The following TTC6 variants were observed in gnomAD, a reference collection of about 807,000 sequenced individuals.
TTC6 encodes the protein tetratricopeptide repeat protein 6.
TTC6 carries 172 observed loss-of-function variants against 210.4 expected under a neutral mutation model. That is an observed-to-expected ratio of 0.82 (90% CI 0.72 to 0.93). TTC6 has a LOEUF of 0.93. TTC6 is among the 40% of genes least tolerant of loss of function. TTC6 has a pLI of 0.00. For synonymous variants in TTC6, 804 were observed against 819.6 expected, an observed-to-expected ratio of 0.98 and a Z score of 0.32; for missense variants, 2,414 against 2,318.1, an observed-to-expected ratio of 1.04 and a Z score of -0.85.
intron 14 of TTC6, among the ~76,000 whole-genome samples, chr14:37,781,727 C>T (rs141420771): frequency 2.6e-5 from 4 of 152,196 alleles, no homozygotes; most frequent in African/African-American, 9.6e-5. Context: ...ATGGTAATGC[C>T]TAGGTTTTCT....
At chr14:37,790,955 T>A in intron 16 of TTC6, 118 bp downstream of exon 18, 1 of 801,270 alleles carries the variant, frequency 1.2e-6, no homozygotes, top group Non-Finnish European at 1.9e-6. Flanking sequence ...GAGACACTTA[T>A]AAAGTCATCC....
intron 7 of TTC6, among the ~76,000 whole-genome samples, chr14:37,732,653 C>G (rs1304910989): frequency 6.6e-6 from 1 of 151,356 alleles, no homozygotes; most frequent in Non-Finnish European, 1.5e-5. Flanking sequence ...GAGTCTTGCT[C>G]TGTCGCCCAG....
At chr14:37,823,300 C>A (rs1205702973) in intron 26 of TTC6, among the ~76,000 whole-genome samples, 1 of 152,086 alleles carries the variant, frequency 6.6e-6, no homozygotes, top group Non-Finnish European at 1.5e-5. Flanking sequence ...TAAGGACTCC[C>A]ATGTGATGAA....
At chr14:37,826,327 G>T in exon 28 of TTC6, 1 of 1,606,078 alleles carries the variant, frequency 6.2e-7, no homozygotes, top group Non-Finnish European at 8.5e-7. Flanking sequence ...TGCAATGCAG[G>T]ATATTAATGC....
At chr14:37,636,585 C>A (rs2095681206) in intron 1 of TTC6, among the ~76,000 whole-genome samples, 1 of 151,490 alleles carries the variant, frequency 6.6e-6, no homozygotes, top group African/African-American at 2.4e-5. Flanking sequence ...AAAAAAAAGT[C>A]AAAATTTGTA....
At chr14:37,672,398 A>G (rs1485360498) in intron 1 of TTC6, among the ~76,000 whole-genome samples, 1 of 152,178 alleles carries the variant, frequency 6.6e-6, no homozygotes, top group Non-Finnish European at 1.5e-5. Context: ...ACTGCTTTGC[A>G]TTTTGAAAAA....
chr14:37,812,064 A>G (rs34667573), intron 24 of TTC6, among the ~76,000 whole-genome samples: 2,582 of 152,330 alleles, frequency 0.017, 41 homozygotes, highest in Non-Finnish European at 0.025. Context: ...GAAAATGTAT[A>G]GGGTGACTTG....
At chr14:37,666,857 C>T (rs2095749191) in intron 1 of TTC6, among the ~76,000 whole-genome samples, 1 of 149,876 alleles carries the variant, frequency 6.7e-6, no homozygotes, top group Non-Finnish European at 1.5e-5. Context: ...CTTTGGTGGG[C>T]CTCAAGCACT....
intron 14 of TTC6, among the ~76,000 whole-genome samples, chr14:37,767,166 A>G (rs1328177759): frequency 1.3e-5 from 2 of 152,180 alleles, no homozygotes; most frequent in Non-Finnish European, 2.9e-5. Context: ...TCCATGGTGT[A>G]TATGTGCCAC....
At chr14:37,628,056 C>T (rs1317090901) in intron 1 of TTC6, among the ~76,000 whole-genome samples, 1 of 152,170 alleles carries the variant, frequency 6.6e-6, no homozygotes, top group African/African-American at 2.4e-5. Context: ...CTGCAACCTC[C>T]ACCTCCCAGG....
chr14:37,631,313 C>CA (rs2095669571), intron 1 of TTC6, among the ~76,000 whole-genome samples: 1 of 151,990 alleles, frequency 6.6e-6, no homozygotes, highest in Non-Finnish European at 1.5e-5. Flanking sequence ...CTGGTGGTGA[C>CA]AAAAATCTCT....
At chr14:37,731,132 G>A (rs1455672423) in intron 7 of TTC6, among the ~76,000 whole-genome samples, 1 of 152,106 alleles carries the variant, frequency 6.6e-6, no homozygotes, top group African/African-American at 2.4e-5. Context: ...AGAAGGCGAG[G>A]GTCCTGTGAG....
At chr14:37,752,196 G>C (rs961741549) in intron 13 of TTC6, among the ~76,000 whole-genome samples, 3 of 151,834 alleles carry the variant, frequency 2.0e-5, no homozygotes. Context: ...TTCTAACTCT[G>C]ATCTCCTGAC....
At chr14:37,661,025 T>C (rs933434489) in intron 1 of TTC6, among the ~76,000 whole-genome samples, 3 of 152,244 alleles carry the variant, frequency 2.0e-5, no homozygotes, top group African/African-American at 7.2e-5. Flanking sequence ...CACTTTTTAA[T>C]AGGGTTGTTT....
At chr14:37,625,702 G>A (rs2095659176) in intron 1 of TTC6, among the ~76,000 whole-genome samples, 1 of 152,184 alleles carries the variant, frequency 6.6e-6, no homozygotes, top group Non-Finnish European at 1.5e-5. Context: ...CAAGGAACAT[G>A]ATTCTTCCCT....
chr14:37,706,081 C>T (rs12887601), intron 5 of TTC6, among the ~76,000 whole-genome samples: 8,722 of 152,132 alleles, frequency 0.057, 386 homozygotes, highest in Non-Finnish European at 0.089. Flanking sequence ...GAAGCTAGAG[C>T]TGAGGCAGGA....
chr14:37,650,227 C>T (rs1282335033), intron 1 of TTC6, among the ~76,000 whole-genome samples: 2 of 152,214 alleles, frequency 1.3e-5, no homozygotes, highest in Non-Finnish European at 2.9e-5. Flanking sequence ...GATGTCGATC[C>T]TCTATGCTCT....
intron 1 of TTC6, among the ~76,000 whole-genome samples, chr14:37,624,916 C>T (rs542282185): frequency 2.6e-5 from 4 of 152,068 alleles, no homozygotes; most frequent in African/African-American, 4.8e-5. Context: ...CCACTGCGCC[C>T]GGCCCCACTT....
At chr14:37,715,847 A>G (rs1007614958) in intron 6 of TTC6, among the ~76,000 whole-genome samples, 24 of 152,206 alleles carry the variant, frequency 1.6e-4, no homozygotes, top group African/African-American at 5.5e-4. Flanking sequence ...TGGCTAGGAA[A>G]AGTTCTCTAA....
Sources: gnomAD v4.1 joint callset for allele counts (sites outside exome capture counted in the v4.1 genomes callset) on GRCh38, gnomAD v4.1.1 for gene constraint, MANE v1.5 for transcripts, NCBI Gene and HGNC (gene_info 2026-07-23, HGNC 2026-07-21) for gene names.